The following TTC6 variants were observed in gnomAD, a reference collection of about 807,000 sequenced individuals.
TTC6 encodes the protein tetratricopeptide repeat protein 6.
A neutral mutation model predicts 210.4 loss-of-function variants in TTC6; 172 were observed. The ratio of observed to expected loss-of-function variants is 0.82; its 90% CI spans 0.72 to 0.93. TTC6 has a LOEUF of 0.93. TTC6 is among the 40% of genes least tolerant of loss of function. The pLI, the probability that TTC6 is intolerant of heterozygous loss-of-function variation, is 0.00. For missense variants in TTC6, 2,414 were observed against 2,318.1 expected, an observed-to-expected ratio of 1.04 and a Z score of -0.85; for synonymous variants, 804 against 819.6, an observed-to-expected ratio of 0.98 and a Z score of 0.32.
At chr14:37,787,940 G>A (rs112082414) in intron 15 of TTC6, among the ~76,000 whole-genome samples, 234 of 151,170 alleles carry the variant, frequency 1.5e-3, no homozygotes, top group Non-Finnish European at 3.0e-3. Context: ...GTGGCAAGGG[G>A]AGAATGTGAC....
intron 2 of TTC6, among the ~76,000 whole-genome samples, chr14:37,680,481 C>G (rs924148955): frequency 3.3e-5 from 5 of 152,042 alleles, no homozygotes; most frequent in African/African-American, 1.2e-4. Flanking sequence ...GCCCCAGACT[C>G]TTTTTAGAAG....
intron 7 of TTC6, among the ~76,000 whole-genome samples, chr14:37,731,716 A>T (rs1319997502): frequency 6.6e-6 from 1 of 152,212 alleles, no homozygotes; most frequent in African/African-American, 2.4e-5. Flanking sequence ...GTCTATCTTT[A>T]TTATTAATGC....
intron 1 of TTC6, among the ~76,000 whole-genome samples, chr14:37,650,651 G>T (rs2095709587): frequency 6.6e-6 from 1 of 152,166 alleles, no homozygotes; most frequent in African/African-American, 2.4e-5. Context: ...GTCTCTGCTA[G>T]ATCTGTGAGG....
intron 12 of TTC6, among the ~76,000 whole-genome samples, chr14:37,750,712 C>T (rs1272808377): frequency 6.6e-6 from 1 of 151,836 alleles, no homozygotes; most frequent in African/African-American, 2.4e-5. Context: ...CATGGTGAAC[C>T]CCTGTGTCTA....
At position 37,830,938 on chromosome 14, in the gene TTC6, A is replaced by G. The variant is rs141131700; in HGVS notation, c.5298+3572A>G. Among the ~76,000 whole-genome samples the G allele has an allele frequency of 5.3e-3, 802 of 152,238 alleles. 9 individuals carry two copies. The highest frequency in any genetic ancestry group is 0.018 in the African/African-American group (728 of 41,556). ...CATTTATCGTTTCTTTATGATGAGAATATTTCAAATCGTCTAGCCATTTTG... is the reference window on the plus strand; with the variant it reads ...CATTTATCGTTTCTTTATGATGAGAGTATTTCAAATCGTCTAGCCATTTTG... On this transcript the variant is annotated intron_variant, in intron 29 of 30. Coordinates refer to ENST00000553443, the Ensembl canonical transcript of TTC6.
rs752872007 is a variant in TTC6 at position 37,749,703 on chromosome 14, A to G, written c.2827-11A>G. 15 of 1,355,548 alleles carry G rather than the reference A, an allele frequency of 1.1e-5. No individual in the cohort carries two copies. The highest frequency in any genetic ancestry group is 1.9e-5 in the South Asian group (1 of 52,340). The allele number at this position is 1,355,548 out of a possible 1,614,324, so 84.0% of individuals were successfully genotyped here. A position where few individuals can be genotyped will look rare whatever the true frequency, so the allele number is the denominator to read the frequency against. ...ATCAACTTTAACTGAATTTTTACAT[A>G]TATTTTCTAGGTAATACTCTTGGAA... On this transcript the variant is annotated splice_polypyrimidine_tract_variant and intron_variant, in intron 11 of 30. Coordinates refer to ENST00000553443, the Ensembl canonical transcript of TTC6.
At chr14:37,613,024 T>G (rs2095637136) in intron 2 of TTC6, among the ~76,000 whole-genome samples, 1 of 152,182 alleles carries the variant, frequency 6.6e-6, no homozygotes, top group Admixed American at 6.5e-5. Context: ...TGATGTTGGA[T>G]ATGCATGAAA....
At chr14:37,749,056 C>T in exon 11 of TTC6, 1 of 1,535,684 alleles carries the variant, frequency 6.5e-7, no homozygotes, top group Non-Finnish European at 8.7e-7. Flanking sequence ...AAAAATTCGT[C>T]CAAGCTAAGG....
intron 26 of TTC6, among the ~76,000 whole-genome samples, chr14:37,821,007 C>T (rs550528456): frequency 7.4e-4 from 47 of 63,502 alleles, no homozygotes; most frequent in African/African-American, 2.0e-3. Context: ...TCCTCTTGCT[C>T]TTCTTCTTCT....
intron 29 of TTC6, chr14:37,837,179 G>A (rs10132442): frequency 0.91 from 191,098 of 210,834 alleles, 87,011 homozygotes; most frequent in Non-Finnish European, 0.94. Context: ...ATAGTAGAAA[G>A]TTACACAGTT....
intron 14 of TTC6, among the ~76,000 whole-genome samples, chr14:37,771,836 G>A (rs917701385): frequency 1.5e-4 from 23 of 152,248 alleles, no homozygotes; most frequent in Non-Finnish European, 2.2e-4. Context: ...GCTTTGTTCC[G>A]TTGCTCGTGA....
At chr14:37,657,836 C>T (rs1391633750) in intron 1 of TTC6, among the ~76,000 whole-genome samples, 2 of 152,116 alleles carry the variant, frequency 1.3e-5, no homozygotes, top group African/African-American at 2.4e-5. Context: ...AACTCTATTA[C>T]ATAAAGGAGA....
rs2095844631 is a variant in TTC6 at position 37,711,467 on chromosome 14, C to T, written c.1572-3188C>T. On this transcript the variant is annotated intron_variant, in intron 5 of 30. Transcript: ENST00000553443. ...GGAATTGAGATCTGAAGGTCTTGCT[C>T]TCATCATTCTCCATTTCCATAGCCA... is the stretch of plus-strand genomic sequence containing the variant. 2.0e-5 allele frequency among the ~76,000 whole-genome samples: 3 copies of T among 152,150 alleles called. No individual in the cohort carries two copies. In the South Asian group the frequency reaches 6.2e-4, roughly 32 times the overall value.
At chr14:37,771,294 T>C (rs1037343453) in intron 14 of TTC6, among the ~76,000 whole-genome samples, 2 of 152,032 alleles carry the variant, frequency 1.3e-5, no homozygotes, top group Non-Finnish European at 2.9e-5. Flanking sequence ...GGAGTTGCTC[T>C]TCTCAAGGAG....
chr14:37,777,251 G>T (rs1408598847), intron 14 of TTC6, among the ~76,000 whole-genome samples: 4 of 152,030 alleles, frequency 2.6e-5, no homozygotes, highest in African/African-American at 9.7e-5. Flanking sequence ...CATAGATTTG[G>T]TTTATGTACA....
chr14:37,738,012 C>T (rs563986401), intron 9 of TTC6, among the ~76,000 whole-genome samples: 46 of 151,850 alleles, frequency 3.0e-4, no homozygotes, highest in African/African-American at 1.1e-3. Context: ...TAAAGAACTA[C>T]ATCTGTATAA....
chr14:37,660,029 A>T (rs1200324084), intron 1 of TTC6, among the ~76,000 whole-genome samples: 1 of 152,050 alleles, frequency 6.6e-6, no homozygotes, highest in Non-Finnish European at 1.5e-5. Context: ...AGTTTGCAAA[A>T]ATTTTCTCTC....
rs543587627 is a variant in TTC6 at position 37,726,716 on chromosome 14, G to A, written c.1818+1714G>A. ...GAGCTCACTGTTTGGACTCATCTGAGCCATTTGGTAAGGTAATTGTTTGAT... is the reference window on the plus strand; with the variant it reads ...GAGCTCACTGTTTGGACTCATCTGAACCATTTGGTAAGGTAATTGTTTGAT... On this transcript the variant is annotated intron_variant, in intron 7 of 30. Transcript: ENST00000553443. 4.6e-5 allele frequency among the ~76,000 whole-genome samples: 7 copies of A among 151,772 alleles called. No homozygotes were observed. In the South Asian group the frequency reaches 1.5e-3, roughly 32 times the overall value.
chr14:37,682,404 A>G (rs2095785850), intron 2 of TTC6, among the ~76,000 whole-genome samples: 1 of 151,626 alleles, frequency 6.6e-6, no homozygotes, highest in South Asian at 2.1e-4. Flanking sequence ...CATGAGTTCA[A>G]GATTAAAGTT....
Sources: allele counts gnomAD v4.1 joint callset (sites outside exome capture counted in the v4.1 genomes callset), GRCh38; gene constraint gnomAD v4.1.1; transcripts MANE v1.5; gene names NCBI Gene and HGNC (gene_info 2026-07-23, HGNC 2026-07-21).